ELANE: variants seen among roughly 807,000 people sequenced by gnomAD.
ELANE encodes elastase, neutrophil expressed.
In ELANE, 12 loss-of-function variants were observed where a neutral mutation model predicts 20.6. That is an observed-to-expected ratio of 0.58 (90% CI 0.37 to 0.94). The LOEUF is 0.94. Ranked by LOEUF, ELANE falls within the 40% of genes least tolerant of loss-of-function variation. ELANE has a pLI of 0.01. For synonymous variants in ELANE, 203 were observed against 177.4 expected, an observed-to-expected ratio of 1.14 and a Z score of -1.15; for missense variants, 388 against 395.2, an observed-to-expected ratio of 0.98 and a Z score of 0.15.
In ELANE at chr19:852,349, C is replaced by A; in HGVS notation, c.21C>A (p.Leu7=). The stretch of plus-strand genomic sequence containing the variant: ...CCACCATGACCCTCGGCCGCCGACT[C>A]GCGTGTCTTTTCCTCGCCTGTGTCC... MTLGRR[L]ACLFLACVLP... Residue 7 remains leucine, a synonymous_variant, in exon 1 of 5, where the codon CTC becomes CTA. Coordinates refer to ENST00000263621, the MANE Select transcript of ELANE (RefSeq NM_001972.4). The A allele has an allele frequency of 6.2e-7, 1 of 1,610,938 alleles. No homozygotes were observed. Among genetic ancestry groups the A allele is most frequent in the African/African-American group, 1.3e-5 (1 of 75,046 alleles).
rs920228426 is a variant in ELANE at position 853,502 on chromosome 19, C to T, written c.366+99C>T. On this transcript the variant is annotated intron_variant, in intron 3 of 4. Transcript: ENST00000263621. The stretch of plus-strand genomic sequence containing the variant: ...GGCGCGTCGGGGCCGCTCGTGGGGA[C>T]CTGGGGTGGCATCGTGGGCTGGGTG... The T allele has an allele frequency of 2.8e-6, 4 of 1,413,746 alleles. No individual in the cohort carries two copies. The African/African-American group carries it at 4.3e-5, about 15-fold the overall frequency. 87.6% of individuals were successfully genotyped at this position (1,413,746 alleles called of 1,614,324 possible).
In ELANE at chr19:853,411, C is replaced by T. The variant is rs752811125; in HGVS notation, c.366+8C>T. ...GACATCGTGATTCTCCAGGTGCCGC[C>T]GGGCGGGGCGGGGGGCGCAGGGGCG... is the stretch of plus-strand genomic sequence containing the variant. On this transcript the variant is annotated splice_region_variant and intron_variant, in intron 3 of 4. Transcript: ENST00000263621. 2 of 1,582,886 alleles carry T rather than the reference C, an allele frequency of 1.3e-6. No individual in the cohort carries two copies. The highest frequency in any genetic ancestry group is 1.7e-6 in the Non-Finnish European group (2 of 1,164,558).
chr19:855,612 C>A lies in ELANE; in HGVS notation c.415C>A (p.Pro139Thr). 2 of 1,602,494 alleles carry A rather than the reference C, an allele frequency of 1.2e-6. No individual in the cohort carries two copies. The highest frequency in any genetic ancestry group is 1.7e-6 in the Non-Finnish European group (2 of 1,179,828). The stretch of plus-strand genomic sequence containing the variant: ...CGCCAACGTGCAGGTGGCCCAGCTG[C>A]CGGCTCAGGGACGCCGCCTGGGCAA... ...INANVQVAQL[P>T]AQGRRLGNGV... The change falls in exon 4 of 5, where the codon CCG (proline) becomes ACG (threonine). Residue 139 changes from proline (P) to threonine (T), a missense_variant. Coordinates refer to ENST00000263621, the MANE Select transcript of ELANE (RefSeq NM_001972.4). This position sits in a 1 kb window ranked among gnomAD's most constrained non-coding sequence, Gnocchi z 6.2.
intron 3 of ELANE, among the ~76,000 whole-genome samples, chr19:854,757 A>C (rs1419722673): frequency 6.8e-6 from 1 of 146,470 alleles, no homozygotes; most frequent in Non-Finnish European, 1.5e-5. Context: ...ATAATTATAA[A>C]TATCATTTAT....
Position 855,933 on chromosome 19 carries a change from T to G in ELANE, c.598-25T>G. ...GGTGGGCAGGGCCTCGCAGTCCAGC[T>G]TCCCCACCTTGTCTGCCTCCACAGG... On this transcript the variant is annotated intron_variant, in intron 4 of 4. Coordinates refer to ENST00000263621, the MANE Select transcript of ELANE (RefSeq NM_001972.4). This position sits in a 1 kb window ranked among gnomAD's most constrained non-coding sequence, Gnocchi z 6.2. 1.9e-6 allele frequency: 3 copies of G among 1,612,642 alleles called. No individual in the cohort carries two copies. The highest frequency in any genetic ancestry group is 2.5e-6 in the Non-Finnish European group (3 of 1,179,950).
In ELANE at chr19:855,356, C is replaced by T. The variant is rs2035660155; in HGVS notation, c.367-208C>T. On this transcript the variant is annotated intron_variant, in intron 3 of 4. Transcript: ENST00000263621. This position sits in a 1 kb window ranked among gnomAD's most constrained non-coding sequence, Gnocchi z 6.2. The stretch of plus-strand genomic sequence containing the variant: ...TCAAGCCACATCCAGGGACAACCTC[C>T]AACGCCCTGAGCCTTGGTGACGGCT... 6.6e-6 allele frequency among the ~76,000 whole-genome samples: 1 copy of T among 152,296 alleles called. No homozygotes were observed. Among genetic ancestry groups the T allele is most frequent in the South Asian group, 2.1e-4 (1 of 4,826 alleles).
chr19:852,509 C>G, intron 1 of ELANE, 114 bp downstream of exon 1: 1 of 1,336,044 alleles, frequency 7.5e-7, no homozygotes, highest in Admixed American at 2.1e-5. Flanking sequence ...GAGGTGCCAG[C>G]TGGGACAAGG....
At chr19:852,447 C>G (rs1256159425) in intron 1 of ELANE, 52 bp downstream of exon 1, 5 of 1,577,908 alleles carry the variant, frequency 3.2e-6, no homozygotes, top group Non-Finnish European at 4.3e-6. Flanking sequence ...GGGTTCTGTT[C>G]CCACCTCTCC....
At position 856,015 on chromosome 19, in the gene ELANE, G is replaced by T. The variant is rs17216656; in HGVS notation, c.655G>T (p.Val219Phe). The change falls in exon 5 of 5, where the codon GTC becomes TTC. Residue 219 changes from valine (V) to phenylalanine (F), a missense_variant. By Grantham distance (50) the Val-to-Phe change is conservative. Around this residue, in one of 3 missense-constraint regions of ELANE, gnomAD observed 321 missense variants for 309.8 expected, o/e 1.04. Transcript: ENST00000263621. ...NGLIHGIASF[V>F]RGGCASGLYP... ...GCTAATCCACGGAATTGCCTCCTTC[G>T]TCCGGGGAGGCTGCGCCTCAGGGCT... is the stretch of plus-strand genomic sequence containing the variant. 1 of 1,613,536 alleles carries T rather than the reference G, an allele frequency of 6.2e-7. No homozygotes were observed. Among genetic ancestry groups the T allele is most frequent in the Non-Finnish European group, 8.5e-7 (1 of 1,180,036 alleles).
Position 853,382 on chromosome 19 carries a change from C to T in ELANE, c.345C>T (p.Leu115=), listed in dbSNP as rs1479475108. ...ACGGCTACGACCCCGTAAACTTGCT[C>T]AACGACATCGTGATTCTCCAGGTGC... ...FENGYDPVNL[L]NDIVILQLNG... is the part of the protein sequence containing the mutation. Residue 115 remains leucine (L), a synonymous_variant, in exon 3 of 5, where the codon CTC becomes CTT. Coordinates refer to ENST00000263621, the MANE Select transcript of ELANE (RefSeq NM_001972.4). The T allele has an allele frequency of 5.6e-6, 9 of 1,610,386 alleles. No individual in the cohort carries two copies. The South Asian group carries it at 9.9e-5, about 18-fold the overall frequency.
At position 855,756 on chromosome 19, in the gene ELANE, T is replaced by G. The variant is rs1244665351; in HGVS notation, c.559T>G (p.Cys187Gly). The part of the protein sequence containing the change: ...VTSLCRRSNV[C>G]TLVRGRQAGV... ...GTCCCTCTGCCGTCGCAGCAACGTC[T>G]GCACTCTCGTGAGGGGCCGGCAGGC... The change falls in exon 4 of 5, where the codon TGC becomes GGC. Residue 187 changes from cysteine (C) to glycine (G), a missense_variant. Transcript: ENST00000263621. The surrounding 1 kb of genome is among the most constrained non-coding windows in gnomAD (Gnocchi z 6.2). The G allele has an allele frequency of 6.2e-7, 1 of 1,609,462 alleles. No homozygotes were observed. The highest frequency in any genetic ancestry group is 8.5e-7 in the Non-Finnish European group (1 of 1,179,940).
At chr19:853,093 TGG>T in intron 2 of ELANE, 61 bp downstream of exon 2, 2 of 813,720 alleles carry the variant, frequency 2.5e-6, no homozygotes, top group Non-Finnish European at 3.5e-6. Flanking sequence ...GTGAGGTGGG[TGG>T]GGGGAGGCCG....
rs537860778 is a variant in ELANE at position 852,725 on chromosome 19, G to A, written c.68-151G>A. On this transcript the variant is annotated intron_variant, in intron 1 of 4. Coordinates refer to ENST00000263621, the MANE Select transcript of ELANE (RefSeq NM_001972.4). ...TCATCTGAACAACAGGGGTGCGAACGGCCCCGATCCCGTGGGTTCCCGGTG... is the reference window on the plus strand; with the variant it reads ...TCATCTGAACAACAGGGGTGCGAACAGCCCCGATCCCGTGGGTTCCCGGTG... 9.9e-5 allele frequency: 121 copies of A among 1,219,596 alleles called. 1 individual carries two copies. The African/African-American group carries it at 1.4e-3, about 15-fold the overall frequency. 75.5% of individuals were successfully genotyped at this position (1,219,596 alleles called of 1,614,324 possible).
chr19:854,521 G>A (rs1469267749), intron 3 of ELANE, among the ~76,000 whole-genome samples: 2 of 151,152 alleles, frequency 1.3e-5, no homozygotes, highest in African/African-American at 4.9e-5. Context: ...CAGTGCAGTG[G>A]CGCGATCGCA....
rs200449787 is a variant in ELANE, at chr19:855,742, G to T, written c.545G>T (p.Arg182Leu). The T allele has an allele frequency of 6.2e-7, 1 of 1,609,644 alleles. No individual in the cohort carries two copies. Among genetic ancestry groups the T allele is most frequent in the Non-Finnish European group, 8.5e-7 (1 of 1,179,938 alleles). ...LNVTVVTSLC[R>L]RSNVCTLVRG... ...GTGACGGTGGTGACGTCCCTCTGCC[G>T]TCGCAGCAACGTCTGCACTCTCGTG... Residue 182 changes from arginine to leucine, a missense_variant, in exon 4 of 5, where the codon CGT (arginine) becomes CTT (leucine). This residue lies in a region of ELANE where 321 missense variants were observed against 309.8 expected (regional missense o/e 1.04). Coordinates refer to ENST00000263621, the MANE Select transcript of ELANE (RefSeq NM_001972.4). The surrounding 1 kb of genome is among the most constrained non-coding windows in gnomAD (Gnocchi z 6.2).
intron 1 of ELANE, 151 bp downstream of exon 1, chr19:852,546 C>T (rs1220659370): frequency 1.2e-6 from 1 of 855,644 alleles, no homozygotes; most frequent in Non-Finnish European, 1.7e-6. Context: ...AGGTTCTGAG[C>T]GGTGAAGCCA....
intron 1 of ELANE, 26 bp downstream of exon 1, chr19:852,421 C>G: frequency 1.2e-6 from 2 of 1,602,732 alleles, no homozygotes; most frequent in Non-Finnish European, 1.7e-6. Flanking sequence ...CAACCTCCCG[C>G]TGCTCCCTCT....
At chr19:853,229 C>A (rs1358836228) in intron 2 of ELANE, 33 bp from the exon 3 acceptor site, 1 of 1,559,602 alleles carries the variant, frequency 6.4e-7, no homozygotes, top group African/African-American at 1.4e-5. Context: ...CCCCCGGGGC[C>A]GCCCCTGAGC....
rs2035674003 is a variant in ELANE at position 855,979 on chromosome 19, G to C, written c.619G>C (p.Val207Leu). The C allele has an allele frequency of 4.3e-6, 7 of 1,613,346 alleles. No individual in the cohort carries two copies. The highest frequency in any genetic ancestry group is 4.5e-5 in the East Asian group (2 of 44,882). ...VCFGDSGSPL[V>L]CNGLIHGIAS... ...ACAGGGGGACTCCGGCAGCCCCTTG[G>C]TCTGCAACGGGCTAATCCACGGAAT... The change falls in exon 5 of 5, where the codon GTC (valine) becomes CTC (leucine). Residue 207 changes from valine to leucine, a missense_variant. Around this residue, in one of 3 missense-constraint regions of ELANE, gnomAD observed 321 missense variants for 309.8 expected, o/e 1.04. Transcript: ENST00000263621. The surrounding 1 kb of genome is among the most constrained non-coding windows in gnomAD (Gnocchi z 6.2).
Sources: allele counts gnomAD v4.1 joint callset (sites outside exome capture counted in the v4.1 genomes callset), GRCh38; gene constraint gnomAD v4.1.1; regional missense constraint gnomAD v4.1.1; non-coding constraint Gnocchi (gnomAD v3.1); transcripts MANE v1.5; gene names NCBI Gene and HGNC (gene_info 2026-07-23, HGNC 2026-07-21).